The following MFSD1 variants were observed in gnomAD, a reference collection of about 807,000 sequenced individuals.
MFSD1 encodes major facilitator superfamily domain containing 1.
In MFSD1, 59 loss-of-function variants were observed where a neutral mutation model predicts 67.1. The ratio of observed to expected loss-of-function variants is 0.88; its 90% CI spans 0.71 to 1.09. The LOEUF (loss-of-function observed/expected upper bound fraction) is 1.09, where lower values mean the gene tolerates loss of function less well. Among genes scored for constraint, MFSD1 ranks in the 50% least tolerant of loss-of-function variants. The pLI is 0.00. For missense variants in MFSD1, 552 were observed against 566.1 expected, an observed-to-expected ratio of 0.97 and a Z score of 0.25; for synonymous variants, 213 against 200.3, an observed-to-expected ratio of 1.06 and a Z score of -0.54.
At chr3:158,825,764 C>T (rs1166373252) in intron 13 of MFSD1, among the ~76,000 whole-genome samples, 1 of 152,168 alleles carries the variant, frequency 6.6e-6, no homozygotes, top group Non-Finnish European at 1.5e-5. Context: ...GGGTCGGCTC[C>T]CTTTTTTCTA....
chr3:158,828,965 G>A lies in MFSD1; in HGVS notation c.1395-14G>A, dbSNP rs1403708845. 4.4e-6 allele frequency: 7 copies of A among 1,599,180 alleles called. No homozygotes were observed. Among genetic ancestry groups the A allele is most frequent in the South Asian group, 3.4e-5 (3 of 87,932 alleles). ...TTCTTCCTCTTTGGTAATTTATTGC[G>A]TTATGTTTTGCAGATGAGAAGTTAA... On this transcript the variant is annotated splice_polypyrimidine_tract_variant and intron_variant, in intron 15 of 15. Transcript: ENST00000415822.
chr3:158,825,115 C>G (rs1318726889), intron 13 of MFSD1: 2 of 152,148 alleles, frequency 1.3e-5, no homozygotes, highest in Admixed American at 1.3e-4. Flanking sequence ...GGTCTCAAAG[C>G]AAACAGTGTG....
At chr3:158,814,469 T>A (rs1355356296) in intron 7 of MFSD1, among the ~76,000 whole-genome samples, 1 of 151,942 alleles carries the variant, frequency 6.6e-6, no homozygotes, top group Non-Finnish European at 1.5e-5. Context: ...TACAGGCTCC[T>A]GCCACCATGC....
chr3:158,807,589 G>T, intron 5 of MFSD1, 126 bp downstream of exon 5: 1 of 727,530 alleles, frequency 1.4e-6, no homozygotes, highest in Admixed American at 2.5e-5. Flanking sequence ...AGCTTCATAT[G>T]CATAAGAGTA....
chr3:158,821,699 G>A (rs1730684645), intron 10 of MFSD1, 46 bp downstream of exon 10: 1 of 1,429,524 alleles, frequency 7.0e-7, no homozygotes, highest in Non-Finnish European at 9.7e-7. Context: ...TGTGAAGTAT[G>A]GGTCTTTATA....
rs117346980 is a variant in MFSD1, at chr3:158,825,811, T to C, written c.1289-204T>C. 1.1e-3 allele frequency among the ~76,000 whole-genome samples: 169 copies of C among 152,346 alleles called. 1 individual carries two copies. The East Asian group carries it at 0.021, about 19-fold the overall frequency. On this transcript the variant is annotated intron_variant, in intron 13 of 15. Transcript: ENST00000415822. ...TTCTTTGTTTCTGGCCTGCCACCCCTGGGCTGAGTAGCCCTTGGAGAAAAT... is the reference window on the plus strand; with the variant it reads ...TTCTTTGTTTCTGGCCTGCCACCCCCGGGCTGAGTAGCCCTTGGAGAAAAT...
chr3:158,807,180 CTTAA>C, intron 4 of MFSD1, 98 bp downstream of exon 4: 1 of 1,167,506 alleles, frequency 8.6e-7, no homozygotes, highest in Non-Finnish European at 1.3e-6. Flanking sequence ...TAATGCCTAG[CTTAA>C]TTAAGCAGAA....
Position 158,821,629 on chromosome 3 carries a change from C to G in MFSD1, c.896C>G (p.Ser299Cys). 1 of 1,610,220 alleles carries G rather than the reference C, an allele frequency of 6.2e-7. No homozygotes were observed. Among genetic ancestry groups the G allele is most frequent in the Middle Eastern group, 1.8e-4 (1 of 5,684 alleles). Residue 299 changes from serine (S) to cysteine (C), a missense_variant, in exon 10 of 16, where the codon TCC (serine) becomes TGC (cysteine). By Grantham distance (112) the Ser-to-Cys change is moderately radical. Coordinates refer to ENST00000415822, the MANE Select transcript of MFSD1 (RefSeq NM_022736.4). ...TTTACAGAGAAATTTGGATTTTCTT[C>G]CCAGGCAGCAAGTGCAATTAACAGG... is the stretch of plus-strand genomic sequence containing the variant. The part of the protein sequence containing the change: ...VFFTEKFGFS[S>C]QAASAINSVV...
In MFSD1 at chr3:158,804,334, A is replaced by G. The variant is rs753330181; in HGVS notation, c.179A>G (p.Tyr60Cys). The G allele has an allele frequency of 1.2e-6, 2 of 1,610,358 alleles. No homozygotes were observed. The highest frequency in any genetic ancestry group is 1.1e-5 in the South Asian group (1 of 90,602). The stretch of plus-strand genomic sequence containing the variant: ...TCTTTTCTAGGCAGCTATTTTTGCT[A>G]TGATAATCCTGCTGCCCTTCAGACT... The part of the protein sequence containing the change: ...CFLGFGSYFC[Y>C]DNPAALQTQV... Residue 60 changes from tyrosine (Y) to cysteine (C), a missense_variant, in exon 2 of 16, where the codon TAT (tyrosine) becomes TGT (cysteine). Physicochemically the swap from Tyr to Cys is radical, Grantham distance 194 (BLOSUM62 -2). Coordinates refer to ENST00000415822, the MANE Select transcript of MFSD1 (RefSeq NM_022736.4).
Position 158,823,528 on chromosome 3 carries a change from A to G in MFSD1, c.1175+3A>G, listed in dbSNP as rs751503038. 3.2e-6 allele frequency: 5 copies of G among 1,586,382 alleles called. No individual in the cohort carries two copies. The highest frequency in any genetic ancestry group is 4.3e-6 in the Non-Finnish European group (5 of 1,154,922). On this transcript the variant is annotated splice_donor_region_variant and intron_variant, in intron 12 of 15. Coordinates refer to ENST00000415822, the MANE Select transcript of MFSD1 (RefSeq NM_022736.4). Reference sequence around the variant, plus strand: ...CAGCTGGGAACTGCATATGGCTTGTAAGTATTTACGCTGTGGATCGTATAT... The same window carrying G: ...CAGCTGGGAACTGCATATGGCTTGTGAGTATTTACGCTGTGGATCGTATAT...
Position 158,819,659 on chromosome 3 carries a change from G to A in MFSD1, c.663G>A (p.Thr221=), listed in dbSNP as rs756902191. 1.7e-5 allele frequency: 26 copies of A among 1,527,818 alleles called. No individual in the cohort carries two copies. The highest frequency in any genetic ancestry group is 7.1e-5 in the Admixed American group (4 of 56,346). The allele number at this position is 1,527,818 out of a possible 1,614,324, so 94.6% of individuals were successfully genotyped here. The stretch of plus-strand genomic sequence containing the variant: ...TTTTTTTTTATTTAGGGGGTATAAC[G>A]TGTATTCTTTCACTAATCTGTGCCT... ...LGITLMIGGI[T]CILSLICALA... The change falls in exon 8 of 16, where the codon ACG becomes ACA. Residue 221 remains threonine, a synonymous_variant. Coordinates refer to ENST00000415822, the MANE Select transcript of MFSD1 (RefSeq NM_022736.4).
At position 158,809,183 on chromosome 3, in the gene MFSD1, G is replaced by A; in HGVS notation, c.445G>A (p.Gly149Ser). ...MEFGRFVFGIGGESLAVAQNT... is the reference protein window; with the variant it reads ...MEFGRFVFGISGESLAVAQNT... ...TTTTTTTTTTTCTATTTTTAGGATT[G>A]GTGGCGAGTCCTTAGCAGTTGCCCA... is the stretch of plus-strand genomic sequence containing the variant. Residue 149 changes from glycine (G) to serine (S), a missense_variant, in exon 6 of 16, where the codon GGT becomes AGT. By Grantham distance (56) the Gly-to-Ser change is moderately conservative. Coordinates refer to ENST00000415822, the MANE Select transcript of MFSD1 (RefSeq NM_022736.4). 2 of 1,391,760 alleles carry A rather than the reference G, an allele frequency of 1.4e-6. No homozygotes were observed. Among genetic ancestry groups the A allele is most frequent in the African/African-American group, 1.5e-5 (1 of 66,556 alleles). 86.2% of individuals were successfully genotyped at this position (1,391,760 alleles called of 1,614,324 possible).
At chr3:158,802,787 A>C (rs1438303804) in intron 1 of MFSD1, among the ~76,000 whole-genome samples, 3 of 151,900 alleles carry the variant, frequency 2.0e-5, no homozygotes, top group Admixed American at 6.6e-5. Context: ...TGCAGCCTCC[A>C]CCTCCTGGGT....
chr3:158,816,484 C>T (rs1421094764), intron 7 of MFSD1, among the ~76,000 whole-genome samples: 1 of 152,152 alleles, frequency 6.6e-6, no homozygotes, highest in Non-Finnish European at 1.5e-5. Context: ...GTCCTTCGCT[C>T]ACTTTTTGAT....
At chr3:158,820,472 C>T (rs940844155) in intron 9 of MFSD1, 146 bp downstream of exon 9, 8 of 597,488 alleles carry the variant, frequency 1.3e-5, no homozygotes, top group Admixed American at 3.0e-5. Context: ...CTGGGATATA[C>T]ATTTTCTTTT....
chr3:158,815,730 G>A (rs1730294687), intron 7 of MFSD1, among the ~76,000 whole-genome samples: 1 of 150,736 alleles, frequency 6.6e-6, no homozygotes, highest in South Asian at 2.1e-4. Flanking sequence ...GTATACATGT[G>A]CCATGCTGGT....
In MFSD1 at chr3:158,818,390, T is replaced by TA. The variant is rs546285222; in HGVS notation, c.653-1257dup. Among the ~76,000 whole-genome samples, 13 of 152,240 alleles carry TA rather than the reference T, an allele frequency of 8.5e-5. No individual in the cohort carries two copies. In the South Asian group the frequency reaches 2.7e-3, roughly 32 times the overall value. On this transcript the variant is annotated intron_variant, in intron 7 of 15. Coordinates refer to ENST00000415822, the MANE Select transcript of MFSD1 (RefSeq NM_022736.4). ...AAAACCCTCTCTTCTAGCTATTTTTTAATGTATAATCCCTTACTGTTAACC... is the reference window on the plus strand; with the variant it reads ...AAAACCCTCTCTTCTAGCTATTTTTTAAATGTATAATCCCTTACTGTTAACC...
intron 12 of MFSD1, 25 bp downstream of exon 12, chr3:158,823,550 A>G (rs573707612): frequency 1.9e-5 from 27 of 1,434,444 alleles, no homozygotes; most frequent in East Asian, 4.5e-5. Context: ...TGTGGATCGT[A>G]TATGTCTGTC....
rs1007951619 is a variant in MFSD1 at position 158,802,099 on chromosome 3, C to T, written c.-54C>T. On this transcript the variant is annotated 5_prime_UTR_variant, in exon 1 of 16. Coordinates refer to ENST00000415822, the MANE Select transcript of MFSD1 (RefSeq NM_022736.4). ...GACAGTGTTCCACGGGCGCTGCTTC[C>T]TGCCTGGGTTTGGAGTTGTCACCAC... The T allele has an allele frequency of 6.3e-7, 1 of 1,596,608 alleles. No individual in the cohort carries two copies. The highest frequency in any genetic ancestry group is 2.3e-5 in the East Asian group (1 of 44,412).
Sources: allele counts gnomAD v4.1 joint callset (sites outside exome capture counted in the v4.1 genomes callset), GRCh38; gene constraint gnomAD v4.1.1; transcripts MANE v1.5; gene names NCBI Gene and HGNC (gene_info 2026-07-23, HGNC 2026-07-21).